The following ITGB4 variants were observed in gnomAD, a reference collection of about 807,000 sequenced individuals.
The protein encoded by ITGB4 is integrin beta-4.
In ITGB4, 159 loss-of-function variants were observed where a neutral mutation model predicts 207.6. The ratio of observed to expected loss-of-function variants is 0.77; its 90% confidence interval spans 0.67 to 0.87. ITGB4 has a LOEUF of 0.87. ITGB4 is among the 40% of genes least tolerant of loss of function. ITGB4 has a pLI of 0.00. For missense variants in ITGB4, 2,278 were observed against 2,546.8 expected, an observed-to-expected ratio of 0.89 and a Z score of 2.27; for synonymous variants, 1,020 against 1,062.7, an observed-to-expected ratio of 0.96 and a Z score of 0.78.
In ITGB4 at chr17:75,729,452, G is replaced by T. The variant is rs1244736983; in HGVS notation, c.738+16G>T. ...TGTGTGCACGGTGGGCACTGGGAAG[G>T]GTGCTGCCAGCCTAGGCCAGGGGTG... On this transcript the variant is annotated intron_variant, in intron 7 of 39. Coordinates refer to ENST00000200181, the MANE Select transcript of ITGB4 (RefSeq NM_000213.5). The surrounding 1 kb of genome is among the most constrained non-coding windows in gnomAD (Gnocchi z 4.4). 1 of 1,612,764 alleles carries T rather than the reference G, an allele frequency of 6.2e-7. No individual in the cohort carries two copies. Among genetic ancestry groups the T allele is most frequent in the East Asian group, 2.2e-5 (1 of 44,856 alleles).
chr17:75,751,737 T>C (rs955098210), intron 30 of ITGB4: 1 of 240,002 alleles, frequency 4.2e-6, no homozygotes, highest in Admixed American at 5.1e-5. Context: ...CCAGACTCCG[T>C]CTAAAAATAA....
rs759028206 is a variant in ITGB4 at position 75,739,189 on chromosome 17, G to C, written c.2221-483G>C. Reference sequence around the variant, plus strand: ...GGATGCCTATAATCCCAGTTACTAGGGGGGCTGAGGCAGGAGAATTGCTTG... The same window carrying C: ...GGATGCCTATAATCCCAGTTACTAGCGGGGCTGAGGCAGGAGAATTGCTTG... On this transcript the variant is annotated intron_variant, in intron 18 of 39. Coordinates refer to ENST00000200181, the MANE Select transcript of ITGB4 (RefSeq NM_000213.5). The surrounding 1 kb of genome is among the most constrained non-coding windows in gnomAD (Gnocchi z 5.4). Among the ~76,000 whole-genome samples the C allele has an allele frequency of 6.6e-6, 1 of 151,076 alleles. No homozygotes were observed. Among genetic ancestry groups the C allele is most frequent in the Non-Finnish European group, 1.5e-5 (1 of 67,742 alleles).
At chr17:75,733,820 C>A in intron 13 of ITGB4, 128 bp downstream of exon 13, 1 of 1,094,130 alleles carries the variant, frequency 9.1e-7, no homozygotes, top group Non-Finnish European at 1.3e-6. Flanking sequence ...CAGGCCCAGC[C>A]CACTCTGGAT....
intron 34 of ITGB4, 127 bp from the exon 35 acceptor site, chr17:75,755,558 GGTGTTGCAGGGTGAGT>G: frequency 9.7e-7 from 1 of 1,031,720 alleles, no homozygotes. Context: ...GCCTGGACAG[GGTGTTGCAGGGTGAGT>G]GAGTTGTCCA....
Position 75,754,626 on chromosome 17 carries a change from TC to T in ITGB4, c.4372del (p.Leu1458CysfsTer4), listed in dbSNP as rs1191224495. The T allele has an allele frequency of 6.2e-7, 1 of 1,613,952 alleles. No homozygotes were observed. Among genetic ancestry groups the T allele is most frequent in the East Asian group, 2.2e-5 (1 of 44,864 alleles). On this transcript the variant is annotated frameshift_variant, in exon 34 of 40. Coordinates refer to ENST00000200181, the MANE Select transcript of ITGB4 (RefSeq NM_000213.5). LOFTEE classifies it high-confidence loss of function. ...CTTTGCCTTCCCGGGCAGCACCAAC[TC>T]CCTGCACAGGATGACCACGACCAGT... ...MDFAFPGSTN[S>X]LHRMTTTSAA... is the part of the protein sequence containing the mutation.
chr17:75,743,963 TGG>T lies in ITGB4; in HGVS notation c.3111+103_3111+104del, dbSNP rs1390885984. ...AGCACATGGCAGCTGCTTGAGTCCC[TGG>T]ATACTGGCCGTGCCCCTGGCTGGCC... On this transcript the variant is annotated intron_variant, in intron 26 of 39. Coordinates refer to ENST00000200181, the MANE Select transcript of ITGB4 (RefSeq NM_000213.5). 97 of 1,317,768 alleles carry T rather than the reference TGG, an allele frequency of 7.4e-5. No individual in the cohort carries two copies. The Admixed American group carries it at 2.0e-3, about 27-fold the overall frequency. 81.6% of individuals were successfully genotyped at this position (1,317,768 alleles called of 1,614,324 possible). A position where few individuals can be genotyped will look rare whatever the true frequency, so the allele number is the denominator to read the frequency against.
chr17:75,752,324 A>G lies in ITGB4; in HGVS notation c.3944A>G (p.Asn1315Ser), dbSNP rs1279085704. 1 of 1,612,642 alleles carries G rather than the reference A, an allele frequency of 6.2e-7. No individual in the cohort carries two copies. Among genetic ancestry groups the G allele is most frequent in the South Asian group, 1.1e-5 (1 of 91,060 alleles). Residue 1315 changes from asparagine (N) to serine (S), a missense_variant, in exon 31 of 40, where the codon AAC (asparagine) becomes AGC (serine). Coordinates refer to ENST00000200181, the MANE Select transcript of ITGB4 (RefSeq NM_000213.5). The part of the protein sequence containing the change: ...GWGPEREAII[N>S]LATQPKRPMS... ...GGGCCTGAGCGGGAGGCCATCATCAACCTGGCCACCCAGCCCAAGAGGCCC... is the reference window on the plus strand; with the variant it reads ...GGGCCTGAGCGGGAGGCCATCATCAGCCTGGCCACCCAGCCCAAGAGGCCC...
intron 26 of ITGB4, among the ~76,000 whole-genome samples, chr17:75,748,092 G>A (rs1437996193): frequency 6.6e-6 from 1 of 151,668 alleles, no homozygotes; most frequent in Non-Finnish European, 1.5e-5. Context: ...GAAGATGGGT[G>A]GCTCACGCCT....
In ITGB4 at chr17:75,739,915, C is replaced by G; in HGVS notation, c.2290C>G (p.Leu764Val). The change falls in exon 20 of 40, where the codon CTG becomes GTG. Residue 764 changes from leucine to valine, a missense_variant. Physicochemically the swap from Leu to Val is conservative, Grantham distance 32. Transcript: ENST00000200181. The surrounding 1 kb of genome is among the most constrained non-coding windows in gnomAD (Gnocchi z 5.4). ...GGGCTTTAAGGAAGACCACTACATG[C>G]TGCGGGAGAACCTGATGGCCTCTGA... ...MVGFKEDHYM[L>V]RENLMASDHL... The G allele has an allele frequency of 6.2e-7, 1 of 1,613,474 alleles. No individual in the cohort carries two copies.
At position 75,731,901 on chromosome 17, in the gene ITGB4, T is replaced by C; in HGVS notation, c.1305T>C (p.His435=). The C allele has an allele frequency of 6.2e-7, 1 of 1,614,012 alleles. No homozygotes were observed. The highest frequency in any genetic ancestry group is 8.5e-7 in the Non-Finnish European group (1 of 1,180,012). ...QLPEDQKGNI[H]LKPSFSDGLK... ...CGGAGGACCAGAAGGGCAACATCCA[T>C]CTGAAACCTTCCTTCTCCGACGGCC... Residue 435 remains histidine (H), a synonymous_variant, in exon 11 of 40, where the codon CAT becomes CAC. Coordinates refer to ENST00000200181, the MANE Select transcript of ITGB4 (RefSeq NM_000213.5). This position sits in a 1 kb window ranked among gnomAD's most constrained non-coding sequence, Gnocchi z 6.8.
At chr17:75,744,534 T>C (rs1408915781) in intron 26 of ITGB4, among the ~76,000 whole-genome samples, 3 of 152,126 alleles carry the variant, frequency 2.0e-5, no homozygotes, top group African/African-American at 4.8e-5. Context: ...ACTCCCCCTA[T>C]ATGCCCCAGT....
chr17:75,749,759 A>C (rs2061323534), intron 27 of ITGB4, among the ~76,000 whole-genome samples: 1 of 152,196 alleles, frequency 6.6e-6, no homozygotes, highest in Non-Finnish European at 1.5e-5. Flanking sequence ...AACTGGGAGA[A>C]AGCCTGCCAG....
At position 75,757,082 on chromosome 17, in the gene ITGB4, C is replaced by T. The variant is rs146573290; in HGVS notation, c.5193C>T (p.Ile1731=). 6.2e-7 allele frequency: 1 copy of T among 1,612,852 alleles called. No individual in the cohort carries two copies. The highest frequency in any genetic ancestry group is 1.7e-5 in the Admixed American group (1 of 59,992). The change falls in exon 38 of 40, where the codon ATC becomes ATT. Residue 1731 remains isoleucine, a synonymous_variant. Transcript: ENST00000200181. ...TEGFGPEREG[I]ITIESQDGGP... ...GCTTCGGGCCAGAGCGCGAGGGCAT[C>T]ATCACCATAGAGTCCCAGGATGGAG...
At chr17:75,741,853 G>A (rs998296934) in intron 23 of ITGB4, among the ~76,000 whole-genome samples, 3 of 151,684 alleles carry the variant, frequency 2.0e-5, no homozygotes, top group African/African-American at 4.8e-5. Context: ...ATCCTGCTAC[G>A]GGCCAAGCAT....
intron 23 of ITGB4, 118 bp downstream of exon 23, chr17:75,741,123 G>A (rs2061100444): frequency 8.5e-7 from 1 of 1,174,114 alleles, no homozygotes. Flanking sequence ...AGGGTCAGAT[G>A]TGTCCGTCAG....
At position 75,740,489 on chromosome 17, in the gene ITGB4, G is replaced by A. The variant is rs150144284; in HGVS notation, c.2550+28G>A. The stretch of plus-strand genomic sequence containing the variant: ...AAGGACCCAGGAACTAGGCCTGGCC[G>A]GAGATGTGGGTATGAGGGCGGGTGA... On this transcript the variant is annotated intron_variant, in intron 21 of 39. Coordinates refer to ENST00000200181, the MANE Select transcript of ITGB4 (RefSeq NM_000213.5). The surrounding 1 kb of genome is among the most constrained non-coding windows in gnomAD (Gnocchi z 5.9). 2.7e-3 allele frequency: 4,246 copies of A among 1,580,778 alleles called. 17 individuals are homozygous for A. The highest frequency in any genetic ancestry group is 5.0e-3 in the Admixed American group (299 of 59,866).
At chr17:75,730,109 G>A in intron 7 of ITGB4, 132 bp from the exon 8 acceptor site, 13 of 1,165,780 alleles carry the variant, frequency 1.1e-5, no homozygotes, top group Non-Finnish European at 1.2e-5. Context: ...CTTTCATGAG[G>A]GCACTTGCTG....
Position 75,730,471 on chromosome 17 carries a change from T to A in ITGB4, c.969T>A (p.Phe323Leu). ...LLAKHNIIPI[F>L]AVTNYSYSYY... ...CCAAGCACAACATCATCCCCATCTT[T>A]GCTGTCACCAACTACTCCTATAGCT... is the stretch of plus-strand genomic sequence containing the variant. Residue 323 changes from phenylalanine to leucine, a missense_variant, in exon 8 of 40, where the codon TTT becomes TTA. Coordinates refer to ENST00000200181, the MANE Select transcript of ITGB4 (RefSeq NM_000213.5). 1 of 1,613,952 alleles carries A rather than the reference T, an allele frequency of 6.2e-7. No homozygotes were observed. Among genetic ancestry groups the A allele is most frequent in the South Asian group, 1.1e-5 (1 of 91,076 alleles).
intron 15 of ITGB4, 43 bp downstream of exon 15, chr17:75,736,429 G>T: frequency 6.2e-7 from 1 of 1,610,992 alleles, no homozygotes; most frequent in South Asian, 1.1e-5. Context: ...GAACAGGGCA[G>T]GCACAGGGCA....
Sources: allele counts gnomAD v4.1 joint callset (sites outside exome capture counted in the v4.1 genomes callset), GRCh38; gene constraint gnomAD v4.1.1; non-coding constraint Gnocchi (gnomAD v3.1); transcripts MANE v1.5; gene names NCBI Gene and HGNC (gene_info 2026-07-23, HGNC 2026-07-21).